CSMD1: variants seen among roughly 807,000 people sequenced by gnomAD.
CSMD1 encodes the protein CUB and sushi domain-containing protein 1.
CSMD1 carries 213 observed loss-of-function variants against 417.5 expected under a neutral mutation model. That is an observed-to-expected ratio of 0.51 (90% CI 0.46 to 0.57). The LOEUF (loss-of-function observed/expected upper bound fraction) is 0.57, where lower values mean the gene tolerates loss of function less well. Among genes scored for constraint, CSMD1 ranks in the 20% least tolerant of loss-of-function variants. CSMD1 has a pLI of 0.00. For synonymous variants in CSMD1, 2,862 were observed against 1,736.8 expected (o/e 1.65, Z -16.11); for missense variants, 6,923 against 4,529.7 (o/e 1.53, Z -15.17).
intron 3 of CSMD1, among the ~76,000 whole-genome samples, chr8:4,097,946 T>A (rs527368984): frequency 1.3e-5 from 2 of 152,228 alleles, no homozygotes; most frequent in Non-Finnish European, 2.9e-5. Context: ...TAATTTCTGT[T>A]TGATCATGGT....
intron 11 of CSMD1, among the ~76,000 whole-genome samples, chr8:3,488,021 ATATACT>A (rs1257701352): frequency 6.9e-6 from 1 of 144,264 alleles, no homozygotes; most frequent in East Asian, 2.1e-4. Flanking sequence ...CGCAATCAAA[ATATACT>A]TAGAAGAGGT....
At position 3,220,150 on chromosome 8, in the gene CSMD1, C is replaced by CAAAAAAAAAAA. The variant is rs756296256; in HGVS notation, c.4485-719_4485-709dup. ...CCTGAGAGACAGAACAAGACCCTGT[C>CAAAAAAAAAAA]AAAAAAAAAAAAAGACTCCACTTGC... is the stretch of plus-strand genomic sequence containing the variant. On this transcript the variant is annotated intron_variant, in intron 28 of 69. Transcript: ENST00000635120. Among the ~76,000 whole-genome samples, 155 of 114,144 alleles carry CAAAAAAAAAAA rather than the reference C, an allele frequency of 1.4e-3. 4 individuals are homozygous for CAAAAAAAAAAA. The highest frequency in any genetic ancestry group is 4.9e-3 in the African/African-American group (142 of 28,888). The allele number at this position is 114,144 out of a possible 152,430, so 74.9% of individuals were successfully genotyped here. A position where few individuals can be genotyped will look rare whatever the true frequency, so the allele number is the denominator to read the frequency against.
At chr8:4,346,506 T>C (rs555553181) in intron 3 of CSMD1, among the ~76,000 whole-genome samples, 4 of 152,152 alleles carry the variant, frequency 2.6e-5, no homozygotes, top group Non-Finnish European at 5.9e-5. Flanking sequence ...ATGACATTAT[T>C]GTCTAAACTG....
intron 7 of CSMD1, chr8:3,700,568 G>C (rs1001497503): frequency 6.6e-6 from 1 of 152,260 alleles, no homozygotes; most frequent in South Asian, 2.1e-4. Flanking sequence ...ACTTGGATGG[G>C]AGAAGTTGTG....
At chr8:4,425,339 A>C (rs555421625) in intron 2 of CSMD1, among the ~76,000 whole-genome samples, 1 of 151,218 alleles carries the variant, frequency 6.6e-6, no homozygotes, top group South Asian at 2.1e-4. Flanking sequence ...ATCTGATTTC[A>C]AATAGCTGCA....
chr8:4,581,377 T>C (rs145861885), intron 2 of CSMD1, among the ~76,000 whole-genome samples: 56 of 152,316 alleles, frequency 3.7e-4, no homozygotes, highest in African/African-American at 1.3e-3. Context: ...TACTGTACAT[T>C]TTTAACTTAT....
At chr8:4,869,255 T>G (rs1397861099) in intron 1 of CSMD1, among the ~76,000 whole-genome samples, 1 of 152,040 alleles carries the variant, frequency 6.6e-6, no homozygotes, top group East Asian at 1.9e-4. Context: ...TGAACGTATA[T>G]ATTATCATTT....
At chr8:4,132,007 C>G (rs1311635321) in intron 3 of CSMD1, among the ~76,000 whole-genome samples, 1 of 151,852 alleles carries the variant, frequency 6.6e-6, no homozygotes, top group Non-Finnish European at 1.5e-5. Context: ...CTCGTGATCC[C>G]TGTGACTATT....
At position 4,666,512 on chromosome 8, in the gene CSMD1, C is replaced by T. The variant is rs139971672; in HGVS notation, c.86-28954G>A. 6.3e-3 allele frequency among the ~76,000 whole-genome samples: 957 copies of T among 152,218 alleles called. 11 individuals carry two copies. Among genetic ancestry groups the T allele is most frequent in the African/African-American group, 0.021 (854 of 41,550 alleles). On this transcript the variant is annotated intron_variant, in intron 1 of 69. Transcript: ENST00000635120. ...GAATTTTTACTAAGACCCTCCAGAA[C>T]GGAACAGAATCCTGATAATACTTTG...
intron 5 of CSMD1, among the ~76,000 whole-genome samples, chr8:3,835,923 C>T (rs35134000): frequency 0.38 from 58,128 of 151,686 alleles, 12,245 homozygotes; most frequent in African/African-American, 0.57. Flanking sequence ...ATATTTTCTC[C>T]GTAGGAACAA....
chr8:4,604,903 T>C (rs1345781184), intron 2 of CSMD1, among the ~76,000 whole-genome samples: 3 of 152,198 alleles, frequency 2.0e-5, no homozygotes, highest in South Asian at 2.1e-4. Context: ...GTGTTCGGGG[T>C]TCAGAATCAT....
intron 2 of CSMD1, among the ~76,000 whole-genome samples, chr8:4,593,237 A>C (rs1800077971): frequency 6.6e-6 from 1 of 152,194 alleles, no homozygotes; most frequent in African/African-American, 2.4e-5. Context: ...AGCAAGGTTA[A>C]TGGAATTTCC....
chr8:3,857,622 C>T (rs1026538747), intron 5 of CSMD1, among the ~76,000 whole-genome samples: 1 of 152,160 alleles, frequency 6.6e-6, no homozygotes, highest in Non-Finnish European at 1.5e-5. Context: ...AGGTGGAGTT[C>T]ACAGAGCAGA....
chr8:4,384,348 G>T (rs917547155), intron 3 of CSMD1, among the ~76,000 whole-genome samples: 1 of 152,080 alleles, frequency 6.6e-6, no homozygotes. Flanking sequence ...ACACCACAAT[G>T]CAACGCATCT....
At chr8:4,811,105 C>A (rs993289219) in intron 1 of CSMD1, among the ~76,000 whole-genome samples, 1 of 152,170 alleles carries the variant, frequency 6.6e-6, no homozygotes, top group Non-Finnish European at 1.5e-5. Flanking sequence ...AAGTGGAAAG[C>A]ATTTTTATGG....
intron 3 of CSMD1, among the ~76,000 whole-genome samples, chr8:4,073,517 G>C (rs945070140): frequency 7.2e-5 from 11 of 152,060 alleles, no homozygotes; most frequent in African/African-American, 1.9e-4. Flanking sequence ...AGAGGACCTG[G>C]GATGTGTCTT....
At chr8:3,773,328 G>C (rs374227383) in intron 5 of CSMD1, among the ~76,000 whole-genome samples, 2 of 152,146 alleles carry the variant, frequency 1.3e-5, no homozygotes, top group South Asian at 2.1e-4. Flanking sequence ...CTGTCACCCA[G>C]GCTGGAGTGC....
At chr8:3,590,166 T>C (rs1041927268) in intron 8 of CSMD1, among the ~76,000 whole-genome samples, 2 of 151,964 alleles carry the variant, frequency 1.3e-5, no homozygotes, top group African/African-American at 4.8e-5. Flanking sequence ...GTACTGAAAA[T>C]AACTATGATC....
At chr8:4,630,858 G>A (rs1038638734) in intron 2 of CSMD1, among the ~76,000 whole-genome samples, 3 of 152,118 alleles carry the variant, frequency 2.0e-5, no homozygotes, top group Admixed American at 1.3e-4. Context: ...AACTATCCAG[G>A]CCCTGGTTCT....
Sources: gnomAD v4.1 joint callset for allele counts (sites outside exome capture counted in the v4.1 genomes callset) on GRCh38, gnomAD v4.1.1 for gene constraint, MANE v1.5 for transcripts, NCBI Gene and HGNC (gene_info 2026-07-23, HGNC 2026-07-21) for gene names.